FNDC3A: variants seen among roughly 807,000 people sequenced by gnomAD.
FNDC3A encodes the protein fibronectin type III domain containing 3A.
Under a neutral mutation model 148.9 loss-of-function variants are expected in FNDC3A, and 32 were observed. That is an observed-to-expected ratio of 0.21 (90% CI 0.16 to 0.29). The LOEUF (loss-of-function observed/expected upper bound fraction) is 0.29, where lower values mean the gene tolerates loss of function less well. FNDC3A is among the 10% of genes least tolerant of loss of function. The probability of loss-of-function intolerance (pLI) is 1.00; values close to 1 mark genes in which losing one functional copy is unlikely to be tolerated. For synonymous variants in FNDC3A, 472 were observed against 473.6 expected (o/e 1.00, Z 0.04); for missense variants, 1,191 against 1,452.8 (o/e 0.82, Z 2.93).
intron 1 of FNDC3A, among the ~76,000 whole-genome samples, chr13:48,994,626 A>G (rs1483350666): frequency 6.6e-6 from 1 of 152,092 alleles, no homozygotes; most frequent in East Asian, 1.9e-4. Flanking sequence ...AAAAATGCAA[A>G]AATTAGCTGG....
intron 2 of FNDC3A, among the ~76,000 whole-genome samples, chr13:49,021,013 G>A (rs960495436): frequency 6.6e-6 from 1 of 152,200 alleles, no homozygotes; most frequent in Non-Finnish European, 1.5e-5. Context: ...GGGTAGTGAA[G>A]CCATAGGAAT....
rs143917478 is a variant in FNDC3A at position 49,147,561 on chromosome 13, G to T, written c.977+1626G>T. On this transcript the variant is annotated intron_variant, in intron 8 of 25. Coordinates refer to ENST00000492622, the MANE Select transcript of FNDC3A (RefSeq NM_001079673.2). ...AAAAAAAAAAAGTAGGGAATAGGCT[G>T]GTTTGCGGCTACATACCCAAATAAT... Among the ~76,000 whole-genome samples the T allele has an allele frequency of 5.7e-3, 870 of 151,962 alleles. 5 individuals carry two copies. The highest frequency in any genetic ancestry group is 0.01 in the Non-Finnish European group (707 of 67,934).
At chr13:49,159,620 T>C (rs2138016820) in intron 8 of FNDC3A, among the ~76,000 whole-genome samples, 1 of 152,324 alleles carries the variant, frequency 6.6e-6, no homozygotes, top group African/African-American at 2.4e-5. Context: ...TTCTTTCTCC[T>C]GCCTGATTGC....
intron 1 of FNDC3A, among the ~76,000 whole-genome samples, chr13:48,989,939 A>C (rs944720002): frequency 6.6e-6 from 1 of 152,004 alleles, no homozygotes; most frequent in African/African-American, 2.4e-5. Flanking sequence ...TTTAGTAGAG[A>C]TGGAGTTTCA....
intron 4 of FNDC3A, among the ~76,000 whole-genome samples, chr13:49,130,491 G>A (rs1490792611): frequency 6.6e-6 from 1 of 151,860 alleles, no homozygotes; most frequent in Non-Finnish European, 1.5e-5. Context: ...ATATAGAAAA[G>A]GAAATTGATT....
chr13:49,052,464 A>G (rs1875911322), intron 2 of FNDC3A, among the ~76,000 whole-genome samples: 1 of 152,062 alleles, frequency 6.6e-6, no homozygotes, highest in African/African-American at 2.4e-5. Flanking sequence ...CTAGCCACTC[A>G]GTGGAGGTAC....
chr13:49,132,700 A>G (rs1882105511), intron 5 of FNDC3A, among the ~76,000 whole-genome samples: 1 of 152,026 alleles, frequency 6.6e-6, no homozygotes, highest in Non-Finnish European at 1.5e-5. Flanking sequence ...TTATTTCTTC[A>G]GTTTTTCAAA....
intron 14 of FNDC3A, among the ~76,000 whole-genome samples, chr13:49,185,009 T>G (rs1342397358): frequency 1.3e-5 from 2 of 151,978 alleles, no homozygotes; most frequent in African/African-American, 2.4e-5. Context: ...CAAGATTTTT[T>G]GGGGCAGTTT....
chr13:49,115,185 G>T (rs1486118971), intron 4 of FNDC3A, among the ~76,000 whole-genome samples: 3 of 14,826 alleles, frequency 2.0e-4, no homozygotes, highest in Non-Finnish European at 4.4e-4. Flanking sequence ...GAGGGATGAG[G>T]GGGGGGGGGA....
intron 2 of FNDC3A, among the ~76,000 whole-genome samples, chr13:49,032,320 A>G (rs929353878): frequency 6.6e-6 from 1 of 152,230 alleles, no homozygotes; most frequent in Non-Finnish European, 1.5e-5. Context: ...ACATATGTCC[A>G]TGTAAAAAAA....
intron 2 of FNDC3A, among the ~76,000 whole-genome samples, chr13:49,021,919 A>G (rs1873357070): frequency 6.6e-6 from 1 of 152,152 alleles, no homozygotes; most frequent in Non-Finnish European, 1.5e-5. Context: ...AAACTTTGGA[A>G]AACAGTGTTT....
chr13:49,065,933 G>C (rs1877232611), intron 2 of FNDC3A, among the ~76,000 whole-genome samples: 1 of 152,102 alleles, frequency 6.6e-6, no homozygotes, highest in African/African-American at 2.4e-5. Flanking sequence ...ATGATTTAAA[G>C]TTGTCTGGTC....
intron 3 of FNDC3A, among the ~76,000 whole-genome samples, chr13:49,110,792 A>C (rs972742149): frequency 1.1e-4 from 17 of 152,322 alleles, no homozygotes; most frequent in Non-Finnish European, 2.2e-4. Flanking sequence ...AAACCTCTTA[A>C]ATATGAATGT....
intron 23 of FNDC3A, among the ~76,000 whole-genome samples, chr13:49,199,062 C>T (rs1443850499): frequency 6.6e-6 from 1 of 151,994 alleles, no homozygotes; most frequent in Non-Finnish European, 1.5e-5. Flanking sequence ...GCTCTGTCAC[C>T]CAGGCTGGCC....
At chr13:49,095,000 T>C (rs1476624340) in intron 3 of FNDC3A, among the ~76,000 whole-genome samples, 1 of 152,048 alleles carries the variant, frequency 6.6e-6, no homozygotes, top group Non-Finnish European at 1.5e-5. Flanking sequence ...CCTCCAAGTA[T>C]ATGGTAGGAT....
At chr13:49,161,148 G>A (rs889626033) in intron 8 of FNDC3A, among the ~76,000 whole-genome samples, 2 of 152,214 alleles carry the variant, frequency 1.3e-5, no homozygotes, top group Non-Finnish European at 2.9e-5. Flanking sequence ...AGTTGGTGCA[G>A]ACTTGAGTTC....
chr13:49,172,339 T>C lies in FNDC3A; in HGVS notation c.1230+243T>C, dbSNP rs562635421. Among the ~76,000 whole-genome samples the C allele has an allele frequency of 9.8e-5, 15 of 152,312 alleles. No individual in the cohort carries two copies. In the South Asian group the frequency reaches 2.9e-3, roughly 29 times the overall value. On this transcript the variant is annotated intron_variant, in intron 11 of 25. Transcript: ENST00000492622. ...TAACTACCTTGATAAAGGAACTTTTTTTTCACATCAGCCTTAAAGACAAGT... is the reference window on the plus strand; with the variant it reads ...TAACTACCTTGATAAAGGAACTTTTCTTTCACATCAGCCTTAAAGACAAGT...
In FNDC3A at chr13:49,136,527, G is replaced by A; in HGVS notation, c.686G>A (p.Gly229Asp). The A allele has an allele frequency of 1.2e-6, 2 of 1,614,022 alleles. No individual in the cohort carries two copies. Among genetic ancestry groups the A allele is most frequent in the South Asian group, 1.1e-5 (1 of 91,082 alleles). ...CTTATAAAAGGACAAATTGCTGGTG[G>A]TATAAACACAGGATCAGCAAAAATC... is the stretch of plus-strand genomic sequence containing the variant. ...NGLIKGQIAG[G>D]INTGSAKIKS... The change falls in exon 6 of 26, where the codon GGT (glycine) becomes GAT (aspartate). Residue 229 changes from glycine (G) to aspartate (D), a missense_variant. Gly to Asp is a moderately conservative substitution (Grantham distance 94, BLOSUM62 -1). This residue lies in a region of FNDC3A where 426 missense variants were observed against 473.2 expected (regional missense o/e 0.90). Transcript: ENST00000492622.
At chr13:49,136,630 C>A in intron 6 of FNDC3A, 29 bp downstream of exon 6, 2 of 1,591,584 alleles carry the variant, frequency 1.3e-6, no homozygotes, top group South Asian at 1.1e-5. Context: ...GAACTGTTCT[C>A]ATTGATGCTA....
Sources: allele counts gnomAD v4.1 joint callset (sites outside exome capture counted in the v4.1 genomes callset), GRCh38; gene constraint gnomAD v4.1.1; regional missense constraint gnomAD v4.1.1; transcripts MANE v1.5; gene names NCBI Gene and HGNC (gene_info 2026-07-23, HGNC 2026-07-21).